OPA3: variants seen among roughly 807,000 people sequenced by gnomAD.
OPA3 encodes the protein optic atrophy 3 protein.
OPA3 carries 6 observed loss-of-function variants against 4.0 expected under a neutral mutation model. The observed-to-expected ratio is 1.51, with a 90% CI of 0.83 to 2.99. The LOEUF is 2.99. OPA3 is among the 30% of genes most tolerant of loss of function. The pLI is 0.00. For missense variants in OPA3, 235 were observed against 256.2 expected (o/e 0.92, Z 0.56); for synonymous variants, 105 against 117.1 (o/e 0.90, Z 0.67).
chr19:45,553,129 T>G lies in OPA3; in HGVS notation c.*385A>C. ...GAAGAAGGTGTTCCAGTGTAACAGATGAGTGTCCCAGTAAAGGTTAACACT... is the reference window on the plus strand; with the variant it reads ...GAAGAAGGTGTTCCAGTGTAACAGAGGAGTGTCCCAGTAAAGGTTAACACT... On this transcript the variant is annotated 3_prime_UTR_variant, in exon 2 of 2. Coordinates refer to ENST00000263275, the MANE Select transcript of OPA3 (RefSeq NM_025136.4). The G allele has an allele frequency of 8.5e-7, 1 of 1,177,644 alleles. No homozygotes were observed. The highest frequency in any genetic ancestry group is 1.1e-6 in the Non-Finnish European group (1 of 944,400). The allele number at this position is 1,177,644 out of a possible 1,614,324, so 72.9% of individuals were successfully genotyped here.
chr19:45,568,784 C>T (rs887458837), intron 1 of OPA3, among the ~76,000 whole-genome samples: 4 of 152,068 alleles, frequency 2.6e-5, no homozygotes, highest in African/African-American at 7.2e-5. Context: ...GCCACAGAGA[C>T]GGTGCTGGGA....
chr19:45,547,750 T>C lies in OPA3; in HGVS notation c.*5764A>G, dbSNP rs1969271856. ...CTCGTTCTTGTTGCCCAGGCTGGAG[T>C]GCAATGGTGCAATATTGGCTCACCG... On this transcript the variant is annotated 3_prime_UTR_variant, in exon 2 of 2. Coordinates refer to ENST00000263275, the MANE Select transcript of OPA3 (RefSeq NM_025136.4). The C allele has an allele frequency of 1.3e-5, 2 of 152,310 alleles. No individual in the cohort carries two copies. The highest frequency in any genetic ancestry group is 4.8e-5 in the African/African-American group (2 of 41,348). The allele number at this position is 152,310 out of a possible 1,614,324, so 9.4% of individuals were successfully genotyped here.
Position 45,552,148 on chromosome 19 carries a change from T to G in OPA3, c.*1366A>C, listed in dbSNP as rs1026433951. On this transcript the variant is annotated 3_prime_UTR_variant, in exon 2 of 2. Transcript: ENST00000263275. ...CAAGGATGAGGGGGTTCTGTTGGAA[T>G]AGTCCACTTCGGGTCTCAAGGGAAG... 5 of 985,304 alleles carry G rather than the reference T, an allele frequency of 5.1e-6. No individual in the cohort carries two copies. Among genetic ancestry groups the G allele is most frequent in the East Asian group, 1.1e-4 (1 of 8,810 alleles). 61.0% of individuals were successfully genotyped at this position (985,304 alleles called of 1,614,324 possible).
chr19:45,530,426 T>C (rs1367900609), intron 1 of OPA3, among the ~76,000 whole-genome samples: 1 of 152,114 alleles, frequency 6.6e-6, no homozygotes, highest in Non-Finnish European at 1.5e-5. Context: ...ATGGAATTCA[T>C]CACATATTCT....
rs556203744 is a variant in OPA3 at position 45,563,650 on chromosome 19, C to T, written c.143-9739G>A. Among the ~76,000 whole-genome samples, 11 of 150,986 alleles carry T rather than the reference C, an allele frequency of 7.3e-5. No homozygotes were observed. In the East Asian group the frequency reaches 1.4e-3, roughly 19 times the overall value. ...GGCTTACTGTGGCCTGGAATCCCAGCGATCAAACAGTCCTCCCACCTCAGC... is the reference window on the plus strand; with the variant it reads ...GGCTTACTGTGGCCTGGAATCCCAGTGATCAAACAGTCCTCCCACCTCAGC... On this transcript the variant is annotated intron_variant, in intron 1 of 1. Coordinates refer to ENST00000263275, the MANE Select transcript of OPA3 (RefSeq NM_025136.4).
Position 45,550,386 on chromosome 19 carries a change from G to C in OPA3, c.*3128C>G, listed in dbSNP as rs143702010. 1.8e-5 allele frequency: 17 copies of C among 920,008 alleles called. No homozygotes were observed. In the East Asian group the frequency reaches 3.1e-3, roughly 169 times the overall value. The allele number at this position is 920,008 out of a possible 1,614,324, so 57.0% of individuals were successfully genotyped here. A position where few individuals can be genotyped will look rare whatever the true frequency, so the allele number is the denominator to read the frequency against. ...AGTTTACACAATGCTATGATCTCTG[G>C]TGTGATCTGGGGCTGCTCTGAGAGG... On this transcript the variant is annotated 3_prime_UTR_variant, in exon 2 of 2. Transcript: ENST00000263275.
At chr19:45,580,244 T>C (rs1024593939) in intron 1 of OPA3, among the ~76,000 whole-genome samples, 1 of 151,672 alleles carries the variant, frequency 6.6e-6, no homozygotes, top group African/African-American at 2.4e-5. Flanking sequence ...TCTGCCCACC[T>C]TGGCCTCCCA....
intron 1 of OPA3, among the ~76,000 whole-genome samples, chr19:45,580,079 C>T (rs1377940650): frequency 1.3e-5 from 2 of 151,582 alleles, no homozygotes; most frequent in East Asian, 1.9e-4. Context: ...TCACTGCAAC[C>T]TCCGCCTCCC....
intron 1 of OPA3, among the ~76,000 whole-genome samples, chr19:45,580,187 G>A (rs1356477644): frequency 1.3e-5 from 2 of 151,116 alleles, no homozygotes; most frequent in Non-Finnish European, 2.9e-5. Context: ...AGTAGAGAAG[G>A]GGTTTCACCA....
intron 1 of OPA3, among the ~76,000 whole-genome samples, chr19:45,566,503 G>A (rs943730034): frequency 3.4e-5 from 5 of 148,006 alleles, no homozygotes; most frequent in Non-Finnish European, 7.4e-5. Flanking sequence ...ACGGAGTCTC[G>A]CTCTGTCGCC....
intron 1 of OPA3, among the ~76,000 whole-genome samples, chr19:45,562,205 G>C (rs1969512678): frequency 6.6e-6 from 1 of 151,260 alleles, no homozygotes; most frequent in Non-Finnish European, 1.5e-5. Context: ...AAATTAGCCG[G>C]GAGTGGTGAT....
chr19:45,553,132 G>T lies in OPA3; in HGVS notation c.*382C>A, dbSNP rs1018336661. ...GAAGGTGTTCCAGTGTAACAGATGA[G>T]TGTCCCAGTAAAGGTTAACACTGAT... On this transcript the variant is annotated 3_prime_UTR_variant, in exon 2 of 2. Transcript: ENST00000263275. 5.9e-6 allele frequency: 7 copies of T among 1,188,944 alleles called. No homozygotes were observed. In the African/African-American group the frequency reaches 9.5e-5, roughly 16 times the overall value. The allele number at this position is 1,188,944 out of a possible 1,614,324, so 73.6% of individuals were successfully genotyped here.
downstream of OPA3, among the ~76,000 whole-genome samples, chr19:45,544,237 G>A (rs1310956310): frequency 6.6e-6 from 1 of 152,178 alleles, no homozygotes; most frequent in East Asian, 1.9e-4. Flanking sequence ...AAGACTGCAA[G>A]CTACATGCAC....
chr19:45,584,783 C>G lies in OPA3; in HGVS notation c.-19G>C. On this transcript the variant is annotated 5_prime_UTR_variant, in exon 1 of 2. Coordinates refer to ENST00000263275, the MANE Select transcript of OPA3 (RefSeq NM_025136.4). ...CCACCATCTTGGCGGTCTCACAGGG[C>G]ACGCGCAACCTTGCTGACTGGGCGG... The G allele has an allele frequency of 6.2e-7, 1 of 1,613,058 alleles. No individual in the cohort carries two copies. The highest frequency in any genetic ancestry group is 8.5e-7 in the Non-Finnish European group (1 of 1,179,962).
chr19:45,545,879 A>AT (rs1280900129), downstream of OPA3, among the ~76,000 whole-genome samples: 2 of 151,408 alleles, frequency 1.3e-5, no homozygotes, highest in Non-Finnish European at 2.9e-5. Flanking sequence ...CGCCCAGCTA[A>AT]TTTTTTGTAT....
rs1969315267 is a variant in OPA3, at chr19:45,550,416, A to G, written c.*3098T>C. 6.1e-6 allele frequency: 6 copies of G among 985,656 alleles called. No homozygotes were observed. Among genetic ancestry groups the G allele is most frequent in the Non-Finnish European group, 7.2e-6 (6 of 830,246 alleles). 61.1% of individuals were successfully genotyped at this position (985,656 alleles called of 1,614,324 possible). A position where few individuals can be genotyped will look rare whatever the true frequency, so the allele number is the denominator to read the frequency against. Reference sequence around the variant, plus strand: ...ATCTGGGGCTGCTCTGAGAGGGGATAGAGAGGGTCTCCCACTATCAACGCC... The same window carrying G: ...ATCTGGGGCTGCTCTGAGAGGGGATGGAGAGGGTCTCCCACTATCAACGCC... On this transcript the variant is annotated 3_prime_UTR_variant, in exon 2 of 2. Transcript: ENST00000263275.
At chr19:45,540,519 C>T (rs184871378) in intron 1 of OPA3, among the ~76,000 whole-genome samples, 326 of 147,270 alleles carry the variant, frequency 2.2e-3, no homozygotes, top group Non-Finnish European at 3.5e-3. Flanking sequence ...TGTGACTGCA[C>T]CACTGCACTG....
At position 45,553,928 on chromosome 19, in the gene OPA3, G is replaced by C; in HGVS notation, c.143-17C>G. On this transcript the variant is annotated splice_polypyrimidine_tract_variant and intron_variant, in intron 1 of 1. Coordinates refer to ENST00000263275, the MANE Select transcript of OPA3 (RefSeq NM_025136.4). ...AGTGATACACTGCGGGGGAAGAGAG[G>C]GGTCAGGCTGCGCTCTGGGAGCCCC... The C allele has an allele frequency of 1.3e-6, 2 of 1,592,672 alleles. No homozygotes were observed. The highest frequency in any genetic ancestry group is 1.7e-6 in the Non-Finnish European group (2 of 1,164,344).
intron 1 of OPA3, among the ~76,000 whole-genome samples, chr19:45,565,576 G>C (rs970417287): frequency 6.6e-6 from 1 of 152,204 alleles, no homozygotes; most frequent in Non-Finnish European, 1.5e-5. Flanking sequence ...GTTGTGGTGA[G>C]CTGAGATCAT....
Sources: gnomAD v4.1 joint callset for allele counts (sites outside exome capture counted in the v4.1 genomes callset) on GRCh38, gnomAD v4.1.1 for gene constraint, MANE v1.5 for transcripts, NCBI Gene and HGNC (gene_info 2026-07-23, HGNC 2026-07-21) for gene names.